MRPL44: variants seen among roughly 807,000 people sequenced by gnomAD.
MRPL44 encodes large ribosomal subunit protein mL44.
Under a neutral mutation model 25.9 loss-of-function variants are expected in MRPL44, and 21 were observed. The observed-to-expected ratio is 0.81, with a 90% CI of 0.58 to 1.17. The LOEUF (loss-of-function observed/expected upper bound fraction) is 1.17. MRPL44 is among the 50% of genes most tolerant of loss of function. The pLI is 0.00. For missense variants in MRPL44, 410 were observed against 398.9 expected (o/e 1.03, Z -0.24); for synonymous variants, 169 against 151.0 (o/e 1.12, Z -0.87).
At position 223,959,789 on chromosome 2, in the gene MRPL44, C is replaced by T. The variant is rs772687771; in HGVS notation, c.435C>T (p.Tyr145=). The change falls in exon 2 of 4, where the codon TAC becomes TAT. Residue 145 remains tyrosine, a synonymous_variant. Transcript: ENST00000258383. ...TCLTQFLEDE[Y]PDMPTEGIKN... ...TTACACAGTTTCTTGAAGACGAGTA[C>T]CCAGACATGCCCACTGAAGGCATAA... 5 of 1,614,182 alleles carry T rather than the reference C, an allele frequency of 3.1e-6. No individual in the cohort carries two copies. In the Admixed American group the frequency reaches 5.0e-5, roughly 16 times the overall value.
At chr2:223,963,651 G>A (rs1169246790) in intron 2 of MRPL44, 105 bp from the exon 3 acceptor site, 1 of 651,628 alleles carries the variant, frequency 1.5e-6, no homozygotes, top group Non-Finnish European at 2.2e-6. Context: ...TGTTAAAAAT[G>A]TACTCTGTGG....
In MRPL44 at chr2:223,966,879, G is replaced by T; in HGVS notation, c.844G>T (p.Ala282Ser). Residue 282 changes from alanine to serine, a missense_variant, in exon 4 of 4, where the codon GCA becomes TCA. By Grantham distance (99) the Ala-to-Ser change is moderately conservative. Coordinates refer to ENST00000258383, the MANE Select transcript of MRPL44 (RefSeq NM_022915.5). ...VGLYCDKKLIAEGPGETVLVA... is the reference protein window; with the variant it reads ...VGLYCDKKLISEGPGETVLVA... The stretch of plus-strand genomic sequence containing the variant: ...TCTTTCTAGTGATAAAAAGTTGATT[G>T]CAGAAGGACCTGGGGAAACAGTATT... The T allele has an allele frequency of 1.2e-6, 2 of 1,611,768 alleles. No individual in the cohort carries two copies. The highest frequency in any genetic ancestry group is 2.2e-5 in the South Asian group (2 of 90,562).
intron 1 of MRPL44, among the ~76,000 whole-genome samples, chr2:223,958,879 A>G (rs561880157): frequency 6.6e-5 from 10 of 152,356 alleles, no homozygotes; most frequent in Non-Finnish European, 1.3e-4. Context: ...AAAAAGCAAT[A>G]TATGTACCTT....
intron 2 of MRPL44, among the ~76,000 whole-genome samples, chr2:223,961,788 AC>A (rs1332884004): frequency 2.0e-5 from 3 of 152,182 alleles, no homozygotes; most frequent in Non-Finnish European, 4.4e-5. Flanking sequence ...AATTATTAAG[AC>A]CAGGAGCAAA....
At chr2:223,961,079 T>C (rs1261783382) in intron 2 of MRPL44, among the ~76,000 whole-genome samples, 1 of 152,206 alleles carries the variant, frequency 6.6e-6, no homozygotes, top group Non-Finnish European at 1.5e-5. Flanking sequence ...TGCCTTACTA[T>C]GGGCCAGGCA....
At chr2:223,964,610 A>G (rs992885680) in intron 3 of MRPL44, among the ~76,000 whole-genome samples, 2 of 152,174 alleles carry the variant, frequency 1.3e-5, no homozygotes, top group Admixed American at 1.3e-4. Flanking sequence ...AAAAACAGTG[A>G]GATACTCTTT....
At position 223,957,478 on chromosome 2, in the gene MRPL44, G is replaced by C; in HGVS notation, c.6G>C (p.Ala2=). 11 of 1,614,120 alleles carry C rather than the reference G, an allele frequency of 6.8e-6. No homozygotes were observed. Among genetic ancestry groups the C allele is most frequent in the Non-Finnish European group, 9.3e-6 (11 of 1,180,022 alleles). ...CCATCGTTTTCTCTCGTGCAATGGC[G>C]TCCGGGCTGGTAAGATTGCTGCAGC... M[A]SGLVRLLQQG... is the part of the protein sequence containing the mutation. The change falls in exon 1 of 4, where the codon GCG becomes GCC. Residue 2 remains alanine, a synonymous_variant. Coordinates refer to ENST00000258383, the MANE Select transcript of MRPL44 (RefSeq NM_022915.5).
chr2:223,957,573 G>C lies in MRPL44; in HGVS notation c.101G>C (p.Gly34Ala). The C allele has an allele frequency of 1.2e-6, 2 of 1,613,872 alleles. No homozygotes were observed. Among genetic ancestry groups the C allele is most frequent in the Non-Finnish European group, 1.7e-6 (2 of 1,180,022 alleles). ...LVPPVRGVKK[G>A]FRAAFRFQKE... is the part of the protein sequence containing the mutation. ...CCTCCGGTTCGGGGAGTGAAGAAGG[G>C]ATTCCGCGCCGCCTTCCGCTTCCAG... is the stretch of plus-strand genomic sequence containing the variant. The change falls in exon 1 of 4, where the codon GGA (glycine) becomes GCA (alanine). Residue 34 changes from glycine (G) to alanine (A), a missense_variant. Gly to Ala is a moderately conservative substitution (Grantham distance 60, BLOSUM62 0). Transcript: ENST00000258383.
chr2:223,964,013 T>C, intron 3 of MRPL44, 79 bp downstream of exon 3: 1 of 1,117,322 alleles, frequency 8.9e-7, no homozygotes, highest in East Asian at 2.5e-5. Flanking sequence ...TTAAAAACAC[T>C]CTTCACATTC....
At chr2:223,959,470 C>T (rs1689621730) in intron 1 of MRPL44, 64 bp from the exon 2 acceptor site, 2 of 1,279,858 alleles carry the variant, frequency 1.6e-6, no homozygotes, top group African/African-American at 3.0e-5. Context: ...ACACAGTGAA[C>T]AATTTTTATA....
At chr2:223,955,683 A>G (rs1348561183), upstream of MRPL44, among the ~76,000 whole-genome samples, 2 of 152,192 alleles carry the variant, frequency 1.3e-5, no homozygotes, top group African/African-American at 2.4e-5. Flanking sequence ...CCTTAACCCA[A>G]TGAAAACTCG....
intron 1 of MRPL44, among the ~76,000 whole-genome samples, chr2:223,958,606 C>T (rs1288841923): frequency 2.0e-5 from 3 of 152,090 alleles, no homozygotes; most frequent in Non-Finnish European, 4.4e-5. Context: ...CGACTTTCAA[C>T]CTAGGTTTTC....
chr2:223,954,462 G>A (rs1689534556), upstream of MRPL44, among the ~76,000 whole-genome samples: 1 of 152,220 alleles, frequency 6.6e-6, no homozygotes, highest in African/African-American at 2.4e-5. Flanking sequence ...GTTTAGCTGG[G>A]TGATTCTGGC....
chr2:223,963,994 C>T (rs1340727405), intron 3 of MRPL44, 60 bp downstream of exon 3: 6 of 1,389,756 alleles, frequency 4.3e-6, no homozygotes, highest in South Asian at 1.3e-5. Context: ...ACAGACTCCT[C>T]ACAAAGCCTT....
chr2:223,964,170 A>C (rs952914782), intron 3 of MRPL44, among the ~76,000 whole-genome samples: 2 of 152,194 alleles, frequency 1.3e-5, no homozygotes, highest in Non-Finnish European at 2.9e-5. Flanking sequence ...GAGTTTTGCT[A>C]ATAGCTTTTG....
At chr2:223,959,092 G>A in intron 1 of MRPL44, among the ~76,000 whole-genome samples, 1 of 152,176 alleles carries the variant, frequency 6.6e-6, no homozygotes, top group East Asian at 1.9e-4. Context: ...TCAGTATCCA[G>A]GAGAGTCCTT....
At chr2:223,966,395 A>G (rs923389372) in intron 3 of MRPL44, among the ~76,000 whole-genome samples, 3 of 152,244 alleles carry the variant, frequency 2.0e-5, no homozygotes, top group Admixed American at 6.5e-5. Context: ...TATATCACAC[A>G]TTAAAAATAA....
chr2:223,961,197 C>T (rs1466515276), intron 2 of MRPL44, among the ~76,000 whole-genome samples: 1 of 152,168 alleles, frequency 6.6e-6, no homozygotes, highest in African/African-American at 2.4e-5. Context: ...TGTTAAGGTG[C>T]AGAGTGAACT....
chr2:223,951,170 A>G, the MRPL44 span, among the ~76,000 whole-genome samples: 1 of 152,258 alleles, frequency 6.6e-6, no homozygotes, highest in South Asian at 2.1e-4. Flanking sequence ...GATCAAGCAA[A>G]TGAAATGACT....
Sources: allele counts gnomAD v4.1 joint callset (sites outside exome capture counted in the v4.1 genomes callset), GRCh38; gene constraint gnomAD v4.1.1; transcripts MANE v1.5; gene names NCBI Gene and HGNC (gene_info 2026-07-23, HGNC 2026-07-21).